The following CCDC33 variants were observed in gnomAD, a reference collection of about 807,000 sequenced individuals.
CCDC33 encodes the protein coiled-coil domain containing 33, also known as coiled-coil domain-containing protein 33.
In CCDC33, 94 loss-of-function variants were observed where a neutral mutation model predicts 91.9. The observed-to-expected ratio is 1.02, with a 90% CI of 0.87 to 1.21. The LOEUF is 1.21. CCDC33 is among the 50% of genes most tolerant of loss of function. The pLI, the probability that CCDC33 is intolerant of heterozygous loss-of-function variation, is 0.00. For synonymous variants in CCDC33, 396 were observed against 374.5 expected (o/e 1.06, Z -0.66); for missense variants, 940 against 935.5 (o/e 1.00, Z -0.06).
downstream of CCDC33, chr15:74,336,470 C>T: frequency 8.0e-7 from 1 of 1,255,150 alleles, no homozygotes; most frequent in Non-Finnish European, 1.0e-6. Context: ...TTCCTTCTTT[C>T]AAGTTTGGTT....
intron 2 of CCDC33, among the ~76,000 whole-genome samples, chr15:74,219,631 A>G (rs912626162): frequency 6.6e-6 from 1 of 152,190 alleles, no homozygotes; most frequent in Non-Finnish European, 1.5e-5. Flanking sequence ...GGGATTGTAC[A>G]TGTCAGATTT....
At chr15:74,237,697 C>T (rs2075212297) in intron 1 of CCDC33, among the ~76,000 whole-genome samples, 1 of 152,210 alleles carries the variant, frequency 6.6e-6, no homozygotes, top group Non-Finnish European at 1.5e-5. Flanking sequence ...CCAGGTTGAC[C>T]TGGCACCCTA....
At chr15:74,225,187 G>T (rs1412153675) in intron 2 of CCDC33, among the ~76,000 whole-genome samples, 1 of 151,112 alleles carries the variant, frequency 6.6e-6, no homozygotes, top group African/African-American at 2.4e-5. Flanking sequence ...AGATGGAGAG[G>T]AAGGGGTTGC....
At chr15:74,203,663 G>C (rs1169252880) in intron 1 of CCDC33, among the ~76,000 whole-genome samples, 1 of 152,234 alleles carries the variant, frequency 6.6e-6, no homozygotes, top group Non-Finnish European at 1.5e-5. Flanking sequence ...TGCCAGCACT[G>C]TTCTGAGCCC....
chr15:74,245,269 TATG>T (rs939105804), intron 2 of CCDC33, among the ~76,000 whole-genome samples: 54 of 152,326 alleles, frequency 3.5e-4, no homozygotes, highest in African/African-American at 1.3e-3. Flanking sequence ...ACCTGGTTAC[TATG>T]ATAAGTCCCT....
intron 11 of CCDC33, among the ~76,000 whole-genome samples, chr15:74,323,726 A>G (rs1385519273): frequency 6.6e-6 from 1 of 151,616 alleles, no homozygotes; most frequent in Non-Finnish European, 1.5e-5. Context: ...ATGGGGTTTC[A>G]CCATGTTAGT....
In CCDC33 at chr15:74,272,809, T is replaced by C. The variant is rs1371635620; in HGVS notation, c.677T>C (p.Leu226Pro). ...AACAGGGACCTGGCCTCTGTGGGGCTGCCCATCACCCCACTGTCCTTCCCT... is the reference window on the plus strand; with the variant it reads ...AACAGGGACCTGGCCTCTGTGGGGCCGCCCATCACCCCACTGTCCTTCCCT... ...QANRDLASVGLPITPLSFPIP... is the reference protein window; with the variant it reads ...QANRDLASVGPPITPLSFPIP... The change falls in exon 7 of 19, where the codon CTG (leucine) becomes CCG (proline). Residue 226 changes from leucine to proline, a missense_variant. Transcript: ENST00000398814. The C allele has an allele frequency of 7.4e-6, 12 of 1,614,088 alleles. No homozygotes were observed. The highest frequency in any genetic ancestry group is 1.3e-5 in the African/African-American group (1 of 74,956).
intron 11 of CCDC33, among the ~76,000 whole-genome samples, chr15:74,297,940 C>A (rs774169238): frequency 6.6e-6 from 1 of 152,216 alleles, no homozygotes; most frequent in Non-Finnish European, 1.5e-5. Flanking sequence ...CCCTGACTCA[C>A]ACCACCTCTA....
rs374722024 is a variant in CCDC33, at chr15:74,331,008, C to T, written c.1573C>T (p.Leu525Phe). ...RKNDREKELLLLYQAQQPQAA... is the reference protein window; with the variant it reads ...RKNDREKELLFLYQAQQPQAA... Reference sequence around the variant, plus strand: ...GAATGATCGAGAGAAGGAGCTGCTCCTTCTGTATCAGGCCCAGCAGCCACA... The same window carrying T: ...GAATGATCGAGAGAAGGAGCTGCTCTTTCTGTATCAGGCCCAGCAGCCACA... Residue 525 changes from leucine to phenylalanine, a missense_variant, in exon 14 of 19, where the codon CTT becomes TTT. Coordinates refer to ENST00000398814, the MANE Select transcript of CCDC33 (RefSeq NM_025055.5). 29 of 1,604,726 alleles carry T rather than the reference C, an allele frequency of 1.8e-5. No individual in the cohort carries two copies. The highest frequency in any genetic ancestry group is 2.1e-5 in the Non-Finnish European group (25 of 1,175,608).
At chr15:74,269,235 G>C (rs1453625154) in intron 5 of CCDC33, among the ~76,000 whole-genome samples, 1 of 152,116 alleles carries the variant, frequency 6.6e-6, no homozygotes, top group African/African-American at 2.4e-5. Context: ...AGTATGATCA[G>C]GGTGGGAGCC....
chr15:74,279,615 A>T (rs2142486817), intron 7 of CCDC33, among the ~76,000 whole-genome samples: 1 of 152,174 alleles, frequency 6.6e-6, no homozygotes, highest in East Asian at 1.9e-4. Flanking sequence ...ATCTCAGGGC[A>T]ACCTCTGCCC....
intron 11 of CCDC33, among the ~76,000 whole-genome samples, chr15:74,324,979 C>T (rs1178037918): frequency 6.7e-6 from 1 of 148,320 alleles, no homozygotes; most frequent in African/African-American, 2.5e-5. Flanking sequence ...TCCTCCTCCT[C>T]CACACTACAG....
At chr15:74,221,268 G>C in intron 2 of CCDC33, 1 of 976,270 alleles carries the variant, frequency 1.0e-6, no homozygotes, top group Non-Finnish European at 1.2e-6. Flanking sequence ...ATGGTCATGG[G>C]GGGCAGTGGA....
chr15:74,272,910 G>A lies in CCDC33; in HGVS notation c.759+19G>A, dbSNP rs769913621. 17 of 1,613,878 alleles carry A rather than the reference G, an allele frequency of 1.1e-5. No individual in the cohort carries two copies. Among genetic ancestry groups the A allele is most frequent in the Non-Finnish European group, 1.4e-5 (17 of 1,179,864 alleles). The stretch of plus-strand genomic sequence containing the variant: ...CCCTCAGGTATGTCTCCTCCCCAGT[G>A]GTTCCAGCTTCCTGTAACTACCCCA... On this transcript the variant is annotated intron_variant, in intron 7 of 18. Transcript: ENST00000398814.
At chr15:74,333,657 C>T (rs537655807) in intron 16 of CCDC33, among the ~76,000 whole-genome samples, 1 of 152,194 alleles carries the variant, frequency 6.6e-6, no homozygotes, top group Non-Finnish European at 1.5e-5. Flanking sequence ...GTCAAAACTT[C>T]GTATTCTCAA....
rs3057568 is a variant in CCDC33 at position 74,225,117 on chromosome 15, CGTGTGTGTGTGTGTGTGT to C, written c.675+6278_675+6295del. 2.5e-3 allele frequency among the ~76,000 whole-genome samples: 347 copies of C among 139,940 alleles called. 1 individual carries two copies. Among genetic ancestry groups the C allele is most frequent in the African/African-American group, 8.9e-3 (326 of 36,550 alleles). The allele number at this position is 139,940 out of a possible 152,430, so 91.8% of individuals were successfully genotyped here. A position where few individuals can be genotyped will look rare whatever the true frequency, so the allele number is the denominator to read the frequency against. On this transcript the variant is annotated intron_variant, in intron 2 of 2. Transcript: ENST00000635913. ...GACGCTGACTCACACCTCCTGGAGG[CGTGTGTGTGTGTGTGTGT>C]GTGTGTGTGTGTGTGTGTGTGACAG...
At chr15:74,330,599 G>A (rs1482307958) in intron 12 of CCDC33, 64 bp from the exon 13 acceptor site, 1 of 1,340,440 alleles carries the variant, frequency 7.5e-7, no homozygotes, top group Non-Finnish European at 1.1e-6. Context: ...TCCTGCTACT[G>A]ACCATGCTGA....
intron 11 of CCDC33, among the ~76,000 whole-genome samples, chr15:74,296,230 G>A (rs989074105): frequency 6.6e-6 from 1 of 152,224 alleles, no homozygotes. Context: ...ATGTGTGTAG[G>A]CATCAACTCA....
At chr15:74,266,286 A>C (rs1311635284) in intron 3 of CCDC33, among the ~76,000 whole-genome samples, 2 of 152,186 alleles carry the variant, frequency 1.3e-5, no homozygotes, top group Admixed American at 1.3e-4. Flanking sequence ...GTTTGTGACC[A>C]AGGGAAAGAG....
Sources: allele counts gnomAD v4.1 joint callset (sites outside exome capture counted in the v4.1 genomes callset), GRCh38; gene constraint gnomAD v4.1.1; transcripts MANE v1.5; gene names NCBI Gene and HGNC (gene_info 2026-07-23, HGNC 2026-07-21).